ANKS1B: variants seen among roughly 807,000 people sequenced by gnomAD.
ANKS1B encodes the protein ankyrin repeat and sterile alpha motif domain containing 1B.
Under a neutral mutation model 148.3 loss-of-function variants are expected in ANKS1B, and 36 were observed. The observed-to-expected ratio is 0.24, with a 90% CI of 0.19 to 0.32. ANKS1B has a LOEUF of 0.32. ANKS1B is among the 10% of genes least tolerant of loss of function. The probability of loss-of-function intolerance (pLI) is 1.00; values close to 1 mark genes in which losing one functional copy is unlikely to be tolerated. For missense variants in ANKS1B, 1,157 were observed against 1,542.6 expected (o/e 0.75, Z 4.19); for synonymous variants, 542 against 560.8 (o/e 0.97, Z 0.47).
At chr12:98,867,118 A>T (rs2099628597) in intron 17 of ANKS1B, among the ~76,000 whole-genome samples, 1 of 152,202 alleles carries the variant, frequency 6.6e-6, no homozygotes, top group Admixed American at 6.5e-5. Context: ...TTTCTTATGG[A>T]AGCAGAATCT....
chr12:98,852,719 G>A lies in ANKS1B; in HGVS notation c.2779-20583C>T, dbSNP rs75297046. On this transcript the variant is annotated intron_variant, in intron 17 of 26. Coordinates refer to ENST00000683438, the MANE Select transcript of ANKS1B (RefSeq NM_001352186.2). ...GTGGCAGAGCCCACATTAAAAACACGTATCTTTCTGCCACAAAGCCTGAGC... is the reference window on the plus strand; with the variant it reads ...GTGGCAGAGCCCACATTAAAAACACATATCTTTCTGCCACAAAGCCTGAGC... Among the ~76,000 whole-genome samples the A allele has an allele frequency of 1.6e-4, 24 of 152,248 alleles. No homozygotes were observed. In the East Asian group the frequency reaches 2.5e-3, roughly 16 times the overall value.
chr12:99,162,901 T>C (rs1205512076), intron 14 of ANKS1B, among the ~76,000 whole-genome samples: 1 of 151,960 alleles, frequency 6.6e-6, no homozygotes, highest in Non-Finnish European at 1.5e-5. Flanking sequence ...CTACTACAAA[T>C]ACAAAAATTA....
At chr12:98,862,610 C>T (rs907215618) in intron 17 of ANKS1B, among the ~76,000 whole-genome samples, 1 of 152,108 alleles carries the variant, frequency 6.6e-6, no homozygotes, top group African/African-American at 2.4e-5. Flanking sequence ...AAACCCTTTG[C>T]TCAAATAATG....
At chr12:99,571,703 T>C (rs928784513) in intron 9 of ANKS1B, among the ~76,000 whole-genome samples, 2 of 152,148 alleles carry the variant, frequency 1.3e-5, no homozygotes, top group African/African-American at 2.4e-5. Flanking sequence ...CTTGATTATT[T>C]CAATGATCAT....
chr12:98,931,686 G>A (rs1278289965), intron 17 of ANKS1B: 1 of 152,170 alleles, frequency 6.6e-6, no homozygotes, highest in Admixed American at 6.6e-5. Flanking sequence ...ACACTTTTGT[G>A]TGTGACAGGA....
At chr12:99,119,462 G>T (rs2062193181) in intron 15 of ANKS1B, among the ~76,000 whole-genome samples, 1 of 152,178 alleles carries the variant, frequency 6.6e-6, no homozygotes, top group Admixed American at 6.5e-5. Flanking sequence ...ATTTGTTACA[G>T]CAGCCATGGG....
intron 10 of ANKS1B, among the ~76,000 whole-genome samples, chr12:99,493,860 T>G (rs190450817): frequency 2.0e-5 from 3 of 152,176 alleles, no homozygotes; most frequent in Admixed American, 2.0e-4. Context: ...GGGCCTGGAG[T>G]TAAGAGAAGT....
chr12:99,641,450 T>C (rs917700044), intron 9 of ANKS1B, among the ~76,000 whole-genome samples: 1 of 152,086 alleles, frequency 6.6e-6, no homozygotes, highest in African/African-American at 2.4e-5. Context: ...TGGCACAAAA[T>C]TATAAACAGG....
At chr12:98,913,862 C>A (rs1365073504) in intron 17 of ANKS1B, among the ~76,000 whole-genome samples, 4 of 152,160 alleles carry the variant, frequency 2.6e-5, no homozygotes, top group Non-Finnish European at 5.9e-5. Flanking sequence ...AACTCTTGAC[C>A]TCAGGTGATT....
chr12:98,980,887 G>C (rs1163751994), intron 17 of ANKS1B, among the ~76,000 whole-genome samples: 1 of 152,142 alleles, frequency 6.6e-6, no homozygotes, highest in Non-Finnish European at 1.5e-5. Context: ...TTGCCTCCTG[G>C]AAGAAACCTG....
At chr12:98,746,905 C>T (rs1354851883) in intron 26 of ANKS1B, among the ~76,000 whole-genome samples, 3 of 152,138 alleles carry the variant, frequency 2.0e-5, no homozygotes, top group Non-Finnish European at 4.4e-5. Flanking sequence ...CCACTATATA[C>T]AGAAATCAAC....
intron 14 of ANKS1B, among the ~76,000 whole-genome samples, chr12:99,180,309 A>T (rs1287534014): frequency 6.6e-6 from 1 of 152,220 alleles, no homozygotes; most frequent in African/African-American, 2.4e-5. Context: ...GACTTTAAAC[A>T]CCTAGATGAT....
At chr12:98,983,303 G>T (rs2099917334) in intron 17 of ANKS1B, among the ~76,000 whole-genome samples, 2 of 152,152 alleles carry the variant, frequency 1.3e-5, no homozygotes, top group East Asian at 1.9e-4. Flanking sequence ...CCTGCTGTCT[G>T]TTAGCTGCTA....
Position 98,744,738 on chromosome 12 carries a change from T to C in ANKS1B, c.*1001A>G, listed in dbSNP as rs1265363164. ...AGAAATTTTTGCAATAGAATTTTAT[T>C]AACACCTTTCTCAAACAAGGTTTCC... On this transcript the variant is annotated 3_prime_UTR_variant, in exon 27 of 27. Coordinates refer to ENST00000683438, the MANE Select transcript of ANKS1B (RefSeq NM_001352186.2). 1.0e-6 allele frequency: 1 copy of C among 984,246 alleles called. No individual in the cohort carries two copies. Among genetic ancestry groups the C allele is most frequent in the Admixed American group, 6.2e-5 (1 of 16,254 alleles). 61.0% of individuals were successfully genotyped at this position (984,246 alleles called of 1,614,324 possible). A position where few individuals can be genotyped will look rare whatever the true frequency, so the allele number is the denominator to read the frequency against.
At position 99,294,491 on chromosome 12, in the gene ANKS1B, G is replaced by A. The variant is rs535156375; in HGVS notation, c.1757-47627C>T. On this transcript the variant is annotated intron_variant, in intron 12 of 26. Coordinates refer to ENST00000683438, the MANE Select transcript of ANKS1B (RefSeq NM_001352186.2). ...TAAAATTTAGAACAATTGAATCCACGGAGACAGAGAATAGAATGATGGTTA... is the reference window on the plus strand; with the variant it reads ...TAAAATTTAGAACAATTGAATCCACAGAGACAGAGAATAGAATGATGGTTA... Among the ~76,000 whole-genome samples the A allele has an allele frequency of 3.9e-5, 6 of 152,220 alleles. No individual in the cohort carries two copies. The East Asian group carries it at 7.7e-4, about 20-fold the overall frequency.
At chr12:99,315,506 C>T (rs568005594) in intron 12 of ANKS1B, among the ~76,000 whole-genome samples, 2 of 152,178 alleles carry the variant, frequency 1.3e-5, no homozygotes, top group Non-Finnish European at 2.9e-5. Context: ...ATCAAAACCA[C>T]AATGAGATAC....
intron 9 of ANKS1B, among the ~76,000 whole-genome samples, chr12:99,534,144 G>C (rs1055047310): frequency 6.6e-6 from 1 of 152,132 alleles, no homozygotes; most frequent in Non-Finnish European, 1.5e-5. Context: ...TAATATCATT[G>C]TTTAAAATAC....
chr12:99,566,019 G>T (rs149063491), intron 9 of ANKS1B, among the ~76,000 whole-genome samples: 1 of 152,050 alleles, frequency 6.6e-6, no homozygotes, highest in Non-Finnish European at 1.5e-5. Context: ...TACTGAATAC[G>T]CTGACATTTT....
intron 1 of ANKS1B, among the ~76,000 whole-genome samples, chr12:99,859,075 C>T (rs2089644100): frequency 6.6e-6 from 1 of 152,164 alleles, no homozygotes; most frequent in African/African-American, 2.4e-5. Context: ...AGCTTAATAA[C>T]ATGGAGACAT....
Sources: allele counts gnomAD v4.1 joint callset (sites outside exome capture counted in the v4.1 genomes callset), GRCh38; gene constraint gnomAD v4.1.1; transcripts MANE v1.5; gene names NCBI Gene and HGNC (gene_info 2026-07-23, HGNC 2026-07-21).